Variants in MED12L observed in about 807,000 individuals in gnomAD.
MED12L encodes the protein mediator of RNA polymerase II transcription subunit 12-like protein.
In MED12L, 60 loss-of-function variants were observed where a neutral mutation model predicts 281.3. That is an observed-to-expected ratio of 0.21 (90% confidence interval 0.17 to 0.26). The LOEUF (loss-of-function observed/expected upper bound fraction) is 0.26. Among genes scored for constraint, MED12L ranks in the 10% least tolerant of loss-of-function variants. MED12L has a pLI of 1.00. For synonymous variants in MED12L, 974 were observed against 987.2 expected (o/e 0.99, Z 0.25); for missense variants, 2,146 against 2,680.9 (o/e 0.80, Z 4.41).
rs1720453085 is a variant in MED12L at position 151,094,384 on chromosome 3, G to A, written c.99+7359G>A. On this transcript the variant is annotated intron_variant, in intron 2 of 44. Coordinates refer to ENST00000687756, the MANE Select transcript of MED12L (RefSeq NM_001393769.1). The stretch of plus-strand genomic sequence containing the variant: ...AAGTCTCTTGAGCAGTGAAGGAAGG[G>A]GTGATTGACTTAGCTTGGAGAAAAG... Among the ~76,000 whole-genome samples, 3 of 152,108 alleles carry A rather than the reference G, an allele frequency of 2.0e-5. 1 individual carries two copies. Among genetic ancestry groups the A allele is most frequent in the South Asian group, 4.1e-4 (2 of 4,820 alleles).
intron 39 of MED12L, among the ~76,000 whole-genome samples, chr3:151,403,412 G>C (rs151083482): frequency 9.2e-5 from 14 of 152,246 alleles, no homozygotes; most frequent in African/African-American, 3.1e-4. Flanking sequence ...ATGGCATGCT[G>C]ATTCATAGGC....
Position 151,086,990 on chromosome 3 carries a change from C to T in MED12L, c.64C>T (p.Pro22Ser), listed in dbSNP as rs1356812466. ...GCTGAAGCGCCCCCGGCTCGGGCCGCCCGACGTCTACCCACAGGACCCCAA... is the reference window on the plus strand; with the variant it reads ...GCTGAAGCGCCCCCGGCTCGGGCCGTCCGACGTCTACCCACAGGACCCCAA... ...RPLKRPRLGP[P>S]DVYPQDPKQK... is the part of the protein sequence containing the mutation. The change falls in exon 2 of 45, where the codon CCC becomes TCC. Residue 22 changes from proline to serine, a missense_variant. By Grantham distance (74) the Pro-to-Ser change is moderately conservative (BLOSUM62 -1). This residue lies in a region of MED12L where 44 missense variants were observed against 39.7 expected (regional missense o/e 1.11). Transcript: ENST00000687756. 1 of 1,610,272 alleles carries T rather than the reference C, an allele frequency of 6.2e-7. No homozygotes were observed. The highest frequency in any genetic ancestry group is 8.5e-7 in the Non-Finnish European group (1 of 1,179,028).
chr3:151,218,292 A>G (rs1728626281), intron 16 of MED12L, among the ~76,000 whole-genome samples: 1 of 152,194 alleles, frequency 6.6e-6, no homozygotes, highest in Admixed American at 6.5e-5. Flanking sequence ...CAGTCCATTA[A>G]AGAGGAGAGA....
At position 151,434,562 on chromosome 3, in the gene MED12L, A is replaced by T. The variant is rs527457871; in HGVS notation, c.*1758A>T. ...CTGTACACATTTTTGCTGGTTTTGT[A>T]TATCAGATTTTTTCCTCTCAAGAAA... On this transcript the variant is annotated 3_prime_UTR_variant, in exon 45 of 45. Transcript: ENST00000687756. 1 of 152,364 alleles carries T rather than the reference A, an allele frequency of 6.6e-6. No individual in the cohort carries two copies. The highest frequency in any genetic ancestry group is 6.5e-5 in the Admixed American group (1 of 15,304). 9.4% of individuals were successfully genotyped at this position (152,364 alleles called of 1,614,324 possible).
chr3:151,233,732 T>C (rs771979365), intron 16 of MED12L, among the ~76,000 whole-genome samples: 5 of 152,152 alleles, frequency 3.3e-5, no homozygotes, highest in Admixed American at 6.5e-5. Flanking sequence ...AAACTCCGTC[T>C]CAAAAAAACA....
intron 2 of MED12L, among the ~76,000 whole-genome samples, chr3:151,099,881 A>G (rs995535920): frequency 6.6e-6 from 1 of 152,190 alleles, no homozygotes; most frequent in East Asian, 1.9e-4. Context: ...GAGAGTGTGC[A>G]AAGAGATGGA....
Position 151,301,560 on chromosome 3 carries a change from T to C in MED12L, c.2251-48499T>C, listed in dbSNP as rs541805272. On this transcript the variant is annotated intron_variant, in intron 16 of 44. Transcript: ENST00000687756. Reference sequence around the variant, plus strand: ...TTCTATTTAGACTATGCAAAGAACTTTTACAGCTTCTTAATAAGGAGAACA... The same window carrying C: ...TTCTATTTAGACTATGCAAAGAACTCTTACAGCTTCTTAATAAGGAGAACA... Among the ~76,000 whole-genome samples, 150 of 152,326 alleles carry C rather than the reference T, an allele frequency of 9.8e-4. 1 individual carries two copies. Among genetic ancestry groups the C allele is most frequent in the African/African-American group, 3.5e-3 (145 of 41,570 alleles).
chr3:151,172,005 A>G (rs1436912191), intron 11 of MED12L, among the ~76,000 whole-genome samples: 1 of 152,310 alleles, frequency 6.6e-6, no homozygotes. Flanking sequence ...TCGGGCAGTG[A>G]ACTGGAAGGG....
intron 16 of MED12L, among the ~76,000 whole-genome samples, chr3:151,305,581 A>T (rs2149746949): frequency 6.6e-6 from 1 of 152,282 alleles, no homozygotes; most frequent in African/African-American, 2.4e-5. Context: ...AAGATACGAG[A>T]TTCAGACAGT....
intron 36 of MED12L, among the ~76,000 whole-genome samples, chr3:151,387,238 T>G (rs771194003): frequency 1.7e-4 from 26 of 151,710 alleles, no homozygotes; most frequent in Non-Finnish European, 2.8e-4. Context: ...TAAGCTTGAG[T>G]TGAAAGACTT....
chr3:151,188,614 A>AT, intron 13 of MED12L, 134 bp downstream of exon 13: 1 of 796,838 alleles, frequency 1.3e-6, no homozygotes, highest in Non-Finnish European at 1.9e-6. Flanking sequence ...ACTGAGCAAA[A>AT]TTTTGTGGCA....
chr3:151,338,786 GTC>G lies in MED12L; in HGVS notation c.2251-11269_2251-11268del. The G allele has an allele frequency of 2.5e-6, 4 of 1,613,952 alleles. No homozygotes were observed. The highest frequency in any genetic ancestry group is 1.7e-5 in the Admixed American group (1 of 59,948). ...GGAAGAGGACCTGGGTGATTTTGTA[GTC>G]TCTGGTGCACAGACTGGTGTTACCA... is the stretch of plus-strand genomic sequence containing the variant. On this transcript the variant is annotated intron_variant, in intron 16 of 44. Coordinates refer to ENST00000687756, the MANE Select transcript of MED12L (RefSeq NM_001393769.1).
chr3:151,383,977 T>C (rs369784937), intron 34 of MED12L, 89 bp downstream of exon 34: 7 of 1,482,362 alleles, frequency 4.7e-6, no homozygotes, highest in Admixed American at 1.9e-5. Context: ...CCACATCTTA[T>C]TTACTTGGAT....
At position 151,192,655 on chromosome 3, in the gene MED12L, G is replaced by C. The variant is rs766394073; in HGVS notation, c.2073+1G>C. 2.0e-6 allele frequency: 3 copies of C among 1,512,780 alleles called. No individual in the cohort carries two copies. The South Asian group carries it at 3.6e-5, about 18-fold the overall frequency. The allele number at this position is 1,512,780 out of a possible 1,614,324, so 93.7% of individuals were successfully genotyped here. ...AACTGACTTTGGTTCGGAATTTCCA[G>C]TAGGTTCAATCTTTGATTCTTATTG... is the stretch of plus-strand genomic sequence containing the variant. On this transcript the variant is annotated splice_donor_variant, in intron 15 of 44. Transcript: ENST00000687756. LOFTEE classifies it high-confidence loss of function.
intron 16 of MED12L, among the ~76,000 whole-genome samples, chr3:151,311,886 G>T (rs990869237): frequency 3.9e-5 from 6 of 152,156 alleles, no homozygotes; most frequent in Non-Finnish European, 7.3e-5. Context: ...TTAGCCGGGT[G>T]TGGTGGCAGG....
At chr3:151,295,952 A>C (rs373530847) in intron 16 of MED12L, among the ~76,000 whole-genome samples, 4 of 152,344 alleles carry the variant, frequency 2.6e-5, no homozygotes, top group East Asian at 3.9e-4. Context: ...GTTACTGCTG[A>C]TTATTATAAA....
At chr3:151,387,200 G>GTT (rs35222168) in intron 36 of MED12L, among the ~76,000 whole-genome samples, 103 of 148,834 alleles carry the variant, frequency 6.9e-4, no homozygotes, top group Admixed American at 6.0e-4. Flanking sequence ...GAGGGTAACC[G>GTT]TTTTTTTTTT....
At chr3:151,188,108 C>A in intron 12 of MED12L, 1 of 268,168 alleles carries the variant, frequency 3.7e-6, no homozygotes, top group Non-Finnish European at 7.1e-6. Context: ...TGTCTACGGC[C>A]ATACCACCCT....
At chr3:151,420,770 A>C (rs1718156254) in intron 43 of MED12L, among the ~76,000 whole-genome samples, 1 of 152,204 alleles carries the variant, frequency 6.6e-6, no homozygotes. Flanking sequence ...CTTTAGCTGT[A>C]AAGTCAGTGC....
Sources: gnomAD v4.1 joint callset for allele counts (sites outside exome capture counted in the v4.1 genomes callset) on GRCh38, gnomAD v4.1.1 for gene constraint, gnomAD v4.1.1 regional missense constraint, MANE v1.5 for transcripts, NCBI Gene and HGNC (gene_info 2026-07-23, HGNC 2026-07-21) for gene names.